RBFOX1: variants seen among roughly 807,000 people sequenced by gnomAD.
RBFOX1 encodes RNA binding protein fox-1 homolog 1.
A neutral mutation model predicts 57.7 loss-of-function variants in RBFOX1; 8 were observed. The observed-to-expected ratio is 0.14, with a 90% CI of 0.08 to 0.25. The LOEUF (loss-of-function observed/expected upper bound fraction) is 0.25, where lower values mean the gene tolerates loss of function less well. Among genes scored for constraint, RBFOX1 ranks in the 10% least tolerant of loss-of-function variants. RBFOX1 has a pLI of 1.00. For synonymous variants in RBFOX1, 326 were observed against 222.4 expected (o/e 1.47, Z -4.15); for missense variants, 611 against 548.5 (o/e 1.11, Z -1.14).
chr16:6,878,874 T>C (rs1376075470), intron 3 of RBFOX1, among the ~76,000 whole-genome samples: 1 of 151,890 alleles, frequency 6.6e-6, no homozygotes, highest in Admixed American at 6.6e-5. Context: ...TAACAGCTAA[T>C]CTTTGATAGT....
intron 1 of RBFOX1, among the ~76,000 whole-genome samples, chr16:6,081,498 T>C (rs902642819): frequency 2.6e-5 from 4 of 152,158 alleles, no homozygotes; most frequent in Admixed American, 2.6e-4. Context: ...CTTCCCCTTT[T>C]CAATATTGTA....
At chr16:6,940,443 C>T (rs534084477) in intron 3 of RBFOX1, among the ~76,000 whole-genome samples, 1 of 152,172 alleles carries the variant, frequency 6.6e-6, no homozygotes, top group Non-Finnish European at 1.5e-5. Context: ...TCTGTCCACA[C>T]AGCAAAAACT....
chr16:6,282,531 G>A (rs1213122139), intron 1 of RBFOX1, among the ~76,000 whole-genome samples: 2 of 151,660 alleles, frequency 1.3e-5, no homozygotes, highest in East Asian at 3.9e-4. Context: ...ATGCTCTCCC[G>A]CCCATTGCCC....
chr16:5,255,247 C>G (rs1200167038), intron 1 of RBFOX1, among the ~76,000 whole-genome samples: 1 of 151,920 alleles, frequency 6.6e-6, no homozygotes, highest in Non-Finnish European at 1.5e-5. Context: ...AGGAAAATCA[C>G]TCAATTCTTT....
chr16:6,054,650 A>G (rs543665318), intron 1 of RBFOX1, among the ~76,000 whole-genome samples: 4 of 152,226 alleles, frequency 2.6e-5, no homozygotes, highest in South Asian at 4.1e-4. Flanking sequence ...TTGGTTTAGA[A>G]TAAGTCACTG....
intron 3 of RBFOX1, among the ~76,000 whole-genome samples, chr16:5,638,169 G>A (rs1440831023): frequency 6.6e-6 from 1 of 152,218 alleles, no homozygotes; most frequent in African/African-American, 2.4e-5. Context: ...GCCCTGTGGA[G>A]GGGGTGCAGT....
At chr16:6,730,849 C>T (rs1447462389) in intron 3 of RBFOX1, among the ~76,000 whole-genome samples, 2 of 152,150 alleles carry the variant, frequency 1.3e-5, no homozygotes, top group African/African-American at 4.8e-5. Context: ...GGGGACTGTA[C>T]TAAAGATTCC....
chr16:5,610,240 A>G (rs2047727165), intron 3 of RBFOX1: 1 of 152,262 alleles, frequency 6.6e-6, no homozygotes, highest in Non-Finnish European at 1.5e-5. Context: ...CCTGCATGTA[A>G]TAGACTCTCA....
chr16:5,929,921 T>C (rs370944410), intron 4 of RBFOX1, among the ~76,000 whole-genome samples: 9 of 151,530 alleles, frequency 5.9e-5, no homozygotes, highest in African/African-American at 1.9e-4. Flanking sequence ...GGTGGGAAAT[T>C]GTCAAGAACA....
At chr16:5,595,534 G>T (rs1338621797) in intron 2 of RBFOX1, among the ~76,000 whole-genome samples, 1 of 152,132 alleles carries the variant, frequency 6.6e-6, no homozygotes, top group Non-Finnish European at 1.5e-5. Flanking sequence ...CCTGGTTTGG[G>T]ATCTAAAAAG....
chr16:6,691,197 T>G (rs1025878550), intron 3 of RBFOX1, among the ~76,000 whole-genome samples: 3 of 152,158 alleles, frequency 2.0e-5, no homozygotes, highest in Admixed American at 6.6e-5. Flanking sequence ...GTGGGGGAGC[T>G]AGATGTCACT....
At chr16:5,649,585 G>A (rs987748866) in intron 3 of RBFOX1, among the ~76,000 whole-genome samples, 7 of 152,220 alleles carry the variant, frequency 4.6e-5, no homozygotes, top group East Asian at 3.9e-4. Flanking sequence ...TCATCCCATC[G>A]TCTCCCTCTC....
intron 3 of RBFOX1, among the ~76,000 whole-genome samples, chr16:6,709,139 G>C (rs1178437926): frequency 6.6e-6 from 1 of 152,078 alleles, no homozygotes. Context: ...GTATCTTAAA[G>C]ATGCTTTATT....
At chr16:5,409,972 C>T (rs753447644) in intron 1 of RBFOX1, among the ~76,000 whole-genome samples, 25 of 150,978 alleles carry the variant, frequency 1.7e-4, no homozygotes, top group East Asian at 3.9e-4. Flanking sequence ...CATTTGATCC[C>T]GGGAGGCAGA....
intron 3 of RBFOX1, among the ~76,000 whole-genome samples, chr16:6,951,153 A>C (rs1390103272): frequency 2.0e-5 from 3 of 152,086 alleles, no homozygotes; most frequent in African/African-American, 4.8e-5. Flanking sequence ...CAAATCCTCC[A>C]GCATCAGCTT....
intron 1 of RBFOX1, among the ~76,000 whole-genome samples, chr16:6,270,947 A>G (rs772317354): frequency 3.6e-4 from 55 of 152,246 alleles, no homozygotes; most frequent in Non-Finnish European, 6.9e-4. Context: ...AATAAATTCC[A>G]TGGATTAAAG....
chr16:7,192,263 G>C (rs550527609), intron 4 of RBFOX1, among the ~76,000 whole-genome samples: 4 of 152,308 alleles, frequency 2.6e-5, no homozygotes, highest in African/African-American at 9.6e-5. Context: ...GATGTTTTGT[G>C]CAAGGAGAGA....
At chr16:7,413,694 G>C (rs903418623) in intron 4 of RBFOX1, among the ~76,000 whole-genome samples, 3 of 152,082 alleles carry the variant, frequency 2.0e-5, no homozygotes, top group Non-Finnish European at 4.4e-5. Context: ...AGCGGGTGTG[G>C]CATTCAGAAA....
intron 1 of RBFOX1, among the ~76,000 whole-genome samples, chr16:6,209,019 A>T (rs539001062): frequency 6.6e-6 from 1 of 152,144 alleles, no homozygotes; most frequent in Non-Finnish European, 1.5e-5. Flanking sequence ...GTATCTTACA[A>T]CCTTGAAGGA....
Sources: gnomAD v4.1 joint callset for allele counts (sites outside exome capture counted in the v4.1 genomes callset) on GRCh38, gnomAD v4.1.1 for gene constraint, MANE v1.5 for transcripts, NCBI Gene and HGNC (gene_info 2026-07-23, HGNC 2026-07-21) for gene names.